The following GPC3 variants were observed in gnomAD, a reference collection of about 807,000 sequenced individuals.
GPC3 encodes glypican-3.
In GPC3, 3 loss-of-function variants were observed where a neutral mutation model predicts 34.4. That is an observed-to-expected ratio of 0.09 (90% confidence interval 0.04 to 0.23). The LOEUF (loss-of-function observed/expected upper bound fraction) is 0.23. Ranked by LOEUF, GPC3 falls within the 10% of genes least tolerant of loss-of-function variation. The pLI is 1.00. For synonymous variants in GPC3, 177 were observed against 174.0 expected, an observed-to-expected ratio of 1.02 and a Z score of -0.13; for missense variants, 351 against 445.6, an observed-to-expected ratio of 0.79 and a Z score of 1.91.
rs1163539807 is a variant in GPC3, at chrX:133,536,282, C to A, written c.1585G>T (p.Asp529Tyr). The A allele has an allele frequency of 8.3e-7, 1 of 1,201,278 alleles. No homozygotes were observed. Among genetic ancestry groups the A allele is most frequent in the Non-Finnish European group, 1.1e-6 (1 of 886,114 alleles). The change falls in exon 8 of 8, where the codon GAT becomes TAT. Residue 529 changes from aspartate to tyrosine, a missense_variant. Coordinates refer to ENST00000370818, the MANE Select transcript of GPC3 (RefSeq NM_004484.4). The stretch of plus-strand genomic sequence containing the variant: ...CCAGGCGCATCATCCACATCCAGAT[C>A]ATAGGCCAGTTCTGTCAATCAAAAG... ...QLRFLAELAY[D>Y]LDVDDAPGNS... is the part of the protein sequence containing the mutation.
intron 2 of GPC3, among the ~76,000 whole-genome samples, chrX:133,897,093 A>T (rs1386249303): frequency 9.2e-6 from 1 of 108,272 alleles, no homozygotes; most frequent in East Asian, 3.0e-4. Context: ...TTTTTAGTAG[A>T]GACAGGGTTT....
intron 2 of GPC3, among the ~76,000 whole-genome samples, chrX:133,927,733 C>T (rs2076281836): frequency 9.1e-6 from 1 of 109,849 alleles, no homozygotes; most frequent in Non-Finnish European, 1.9e-5. Context: ...CTGCCACAGC[C>T]TCCCAAAGTG....
intron 2 of GPC3, among the ~76,000 whole-genome samples, chrX:133,906,828 C>T (rs1196202658): frequency 8.9e-6 from 1 of 112,177 alleles, no homozygotes; most frequent in Non-Finnish European, 1.9e-5. Flanking sequence ...CCTGTAATCC[C>T]AGCACTTTGG....
At chrX:133,759,911 A>ATTC (rs1401211632) in intron 2 of GPC3, among the ~76,000 whole-genome samples, 5 of 111,934 alleles carry the variant, frequency 4.5e-5, no homozygotes, top group African/African-American at 1.6e-4. Flanking sequence ...CTTGTATCCA[A>ATTC]AACACTCAAA....
chrX:133,768,869 G>A (rs952874541), intron 2 of GPC3, among the ~76,000 whole-genome samples: 4 of 110,628 alleles, frequency 3.6e-5, no homozygotes, highest in African/African-American at 1.3e-4. Context: ...GAACCCGGGA[G>A]GCAGAGGCTG....
chrX:133,889,240 G>T (rs2076075058), intron 2 of GPC3, among the ~76,000 whole-genome samples: 3 of 111,963 alleles, frequency 2.7e-5, no homozygotes. Context: ...TGTGAAAGTG[G>T]CAGTATAATT....
chrX:133,551,373 A>G (rs1442083849), intron 7 of GPC3, among the ~76,000 whole-genome samples: 4 of 112,202 alleles, frequency 3.6e-5, no homozygotes, highest in Non-Finnish European at 5.6e-5. Flanking sequence ...CCAGGAAAAT[A>G]CAATTATGTG....
chrX:133,910,895 G>A (rs1338000062), intron 2 of GPC3, among the ~76,000 whole-genome samples: 1 of 111,592 alleles, frequency 9.0e-6, no homozygotes, highest in African/African-American at 3.3e-5. Flanking sequence ...AGAATATTGA[G>A]TCCCCAAATG....
At chrX:133,945,748 C>T (rs183491281) in intron 2 of GPC3, among the ~76,000 whole-genome samples, 24 of 103,421 alleles carry the variant, frequency 2.3e-4, no homozygotes, top group Non-Finnish European at 3.1e-4. Flanking sequence ...AGAGAGACTC[C>T]GTCTCAAAAA....
At chrX:133,956,064 C>T (rs1350490945) in intron 1 of GPC3, among the ~76,000 whole-genome samples, 3 of 111,336 alleles carry the variant, frequency 2.7e-5, no homozygotes, top group African/African-American at 6.5e-5. Context: ...TCCAAGCTCT[C>T]CACTTCACCC....
chrX:133,557,376 G>A (rs1033314461), intron 7 of GPC3, among the ~76,000 whole-genome samples: 11 of 111,636 alleles, frequency 9.9e-5, no homozygotes, highest in Middle Eastern at 4.6e-3. Flanking sequence ...TGATGAATCT[G>A]GCTGGGCACA....
intron 2 of GPC3, among the ~76,000 whole-genome samples, chrX:133,943,314 C>A (rs916176737): frequency 1.8e-5 from 2 of 112,278 alleles, no homozygotes; most frequent in Admixed American, 9.5e-5. Flanking sequence ...ACTTAAAAGA[C>A]TATCTATTCT....
chrX:133,609,470 G>A (rs1355483709), intron 6 of GPC3, among the ~76,000 whole-genome samples: 1 of 112,349 alleles, frequency 8.9e-6, no homozygotes, highest in Non-Finnish European at 1.9e-5. Flanking sequence ...AGGAATTTGA[G>A]CCCTGCTTTT....
intron 2 of GPC3, among the ~76,000 whole-genome samples, chrX:133,844,738 C>T (rs1415425722): frequency 8.9e-6 from 1 of 112,313 alleles, no homozygotes; most frequent in Non-Finnish European, 1.9e-5. Context: ...CCCTCCGCTG[C>T]TACCTACAGT....
At chrX:133,968,524 G>A (rs762393783) in intron 1 of GPC3, among the ~76,000 whole-genome samples, 115 of 111,817 alleles carry the variant, frequency 1.0e-3, no homozygotes, top group Non-Finnish European at 1.9e-3. Flanking sequence ...TCTGTAAAAT[G>A]GGGGAAACAA....
At chrX:133,954,738 C>CTTTTTTT (rs1166218378) in intron 1 of GPC3, among the ~76,000 whole-genome samples, 6 of 53,776 alleles carry the variant, frequency 1.1e-4, no homozygotes, top group Non-Finnish European at 1.6e-4. Flanking sequence ...CAAACTTTCT[C>CTTTTTTT]TTTTTTTTTT....
chrX:133,556,354 T>C (rs1345007470), intron 7 of GPC3, among the ~76,000 whole-genome samples: 2 of 111,282 alleles, frequency 1.8e-5, no homozygotes, highest in South Asian at 3.9e-4. Context: ...TGAATATGCA[T>C]ACATAGGCTC....
At chrX:133,707,843 T>C (rs1264509076) in intron 3 of GPC3, among the ~76,000 whole-genome samples, 2 of 111,128 alleles carry the variant, frequency 1.8e-5, no homozygotes, top group African/African-American at 3.3e-5. Context: ...CCAATATACA[T>C]AAAATGCATC....
At chrX:133,858,269 T>C (rs752899368) in intron 2 of GPC3, among the ~76,000 whole-genome samples, 5 of 112,146 alleles carry the variant, frequency 4.5e-5, no homozygotes, top group Non-Finnish European at 9.4e-5. Context: ...GGCACTATTG[T>C]GCAAATTAGG....
Sources: gnomAD v4.1 joint callset for allele counts (sites outside exome capture counted in the v4.1 genomes callset) on GRCh38, gnomAD v4.1.1 for gene constraint, MANE v1.5 for transcripts, NCBI Gene and HGNC (gene_info 2026-07-23, HGNC 2026-07-21) for gene names.